The following BMPR1A variants were observed in gnomAD, a reference collection of about 807,000 sequenced individuals.
BMPR1A encodes the protein bone morphogenetic protein receptor type 1A.
Under a neutral mutation model 66.0 loss-of-function variants are expected in BMPR1A, and 7 were observed. The ratio of observed to expected loss-of-function variants is 0.11; its 90% confidence interval spans 0.06 to 0.20. The LOEUF (loss-of-function observed/expected upper bound fraction) is 0.20. Ranked by LOEUF, BMPR1A falls within the 10% of genes least tolerant of loss-of-function variation. The probability of loss-of-function intolerance (pLI) is 1.00; values close to 1 mark genes in which losing one functional copy is unlikely to be tolerated. For synonymous variants in BMPR1A, 200 were observed against 229.7 expected (o/e 0.87, Z 1.17); for missense variants, 408 against 669.1 (o/e 0.61, Z 4.31).
intron 10 of BMPR1A, 63 bp from the exon 11 acceptor site, chr10:86,921,457 A>G: frequency 6.2e-7 from 1 of 1,604,426 alleles, no homozygotes; most frequent in Non-Finnish European, 8.5e-7. Flanking sequence ...ATAGGACAAA[A>G]ATACAAGATA....
chr10:86,846,046 CAA>C (rs1443267776), intron 2 of BMPR1A, among the ~76,000 whole-genome samples: 1 of 151,494 alleles, frequency 6.6e-6, no homozygotes, highest in Non-Finnish European at 1.5e-5. Context: ...ATCTCTGAAA[CAA>C]GAGGGTTAAA....
At chr10:86,757,158 T>G in intron 1 of BMPR1A, among the ~76,000 whole-genome samples, 1 of 151,922 alleles carries the variant, frequency 6.6e-6, no homozygotes, top group Non-Finnish European at 1.5e-5. Context: ...CACTCGCGGG[T>G]TGCAGGCCGA....
chr10:86,900,984 G>T (rs1312230632), intron 7 of BMPR1A, among the ~76,000 whole-genome samples: 3 of 152,240 alleles, frequency 2.0e-5, no homozygotes, highest in Non-Finnish European at 2.9e-5. Context: ...TGACAAATAG[G>T]ATATGGCAAA....
At chr10:86,864,557 C>G (rs925889898) in intron 2 of BMPR1A, among the ~76,000 whole-genome samples, 4 of 152,194 alleles carry the variant, frequency 2.6e-5, no homozygotes, top group African/African-American at 9.7e-5. Context: ...AAGGAGGACT[C>G]TGTATATTCT....
chr10:86,875,740 C>G, intron 2 of BMPR1A, 127 bp from the exon 3 acceptor site: 1 of 463,280 alleles, frequency 2.2e-6, no homozygotes, highest in African/African-American at 2.0e-5. Context: ...AGCAAGGATA[C>G]CTTTAATCTT....
At chr10:86,784,547 G>C (rs1037030658) in intron 1 of BMPR1A, among the ~76,000 whole-genome samples, 1 of 152,054 alleles carries the variant, frequency 6.6e-6, no homozygotes, top group Non-Finnish European at 1.5e-5. Context: ...TGTTTCTTCA[G>C]TTTTTTTGGT....
downstream of BMPR1A, chr10:86,930,842 G>A (rs936494554): frequency 1.3e-5 from 2 of 152,078 alleles, no homozygotes; most frequent in African/African-American, 4.8e-5. Context: ...CTGATCTCAA[G>A]CCATCCTCCC....
chr10:86,862,278 A>C (rs1364407070), intron 2 of BMPR1A, among the ~76,000 whole-genome samples: 1 of 152,190 alleles, frequency 6.6e-6, no homozygotes, highest in Non-Finnish European at 1.5e-5. Context: ...GATTTTGAGT[A>C]AGTGCTTGGA....
intron 1 of BMPR1A, among the ~76,000 whole-genome samples, chr10:86,830,569 T>C (rs1842254884): frequency 6.6e-6 from 1 of 152,256 alleles, no homozygotes; most frequent in Non-Finnish European, 1.5e-5. Context: ...TGCGTTTCCC[T>C]GATGTCTAGT....
intron 7 of BMPR1A, among the ~76,000 whole-genome samples, chr10:86,909,390 C>T (rs552812997): frequency 1.4e-4 from 21 of 152,046 alleles, no homozygotes; most frequent in African/African-American, 5.1e-4. Context: ...GCCAGAAGTT[C>T]GAGACCAGCG....
At chr10:86,782,516 TG>T (rs201078936) in intron 1 of BMPR1A, among the ~76,000 whole-genome samples, 32 of 152,252 alleles carry the variant, frequency 2.1e-4, no homozygotes, top group African/African-American at 5.1e-4. Flanking sequence ...TTTTGTTTTT[TG>T]TTTTTTTTTG....
At chr10:86,767,568 C>G (rs565735594) in intron 1 of BMPR1A, among the ~76,000 whole-genome samples, 1 of 152,230 alleles carries the variant, frequency 6.6e-6, no homozygotes, top group East Asian at 1.9e-4. Context: ...GTCTCAGCAA[C>G]TCAGGAAGCT....
At chr10:86,844,769 A>G (rs192872646) in intron 2 of BMPR1A, among the ~76,000 whole-genome samples, 33 of 152,166 alleles carry the variant, frequency 2.2e-4, no homozygotes, top group Admixed American at 5.9e-4. Context: ...GTGTTGAACT[A>G]TTATTTTTTA....
chr10:86,911,435 T>G (rs1843483712), intron 7 of BMPR1A, among the ~76,000 whole-genome samples: 1 of 152,086 alleles, frequency 6.6e-6, no homozygotes, highest in Non-Finnish European at 1.5e-5. Flanking sequence ...ACACTTCAAT[T>G]GAATAATGTG....
intron 5 of BMPR1A, among the ~76,000 whole-genome samples, chr10:86,899,177 T>C (rs1843270637): frequency 6.6e-6 from 1 of 152,250 alleles, no homozygotes; most frequent in Non-Finnish European, 1.5e-5. Context: ...GTTAATCCAA[T>C]AAAACATCAC....
intron 1 of BMPR1A, among the ~76,000 whole-genome samples, chr10:86,775,434 T>G (rs990541565): frequency 2.0e-4 from 30 of 152,168 alleles, no homozygotes; most frequent in Non-Finnish European, 1.3e-4. Flanking sequence ...TCAAATGTTG[T>G]GAAGGGTGGA....
At chr10:86,783,392 G>A (rs1209430096) in intron 1 of BMPR1A, among the ~76,000 whole-genome samples, 2 of 152,144 alleles carry the variant, frequency 1.3e-5, no homozygotes, top group Non-Finnish European at 2.9e-5. Context: ...AAATGACACT[G>A]AAATTTGATA....
intron 2 of BMPR1A, among the ~76,000 whole-genome samples, chr10:86,866,249 C>T (rs545984987): frequency 6.3e-5 from 9 of 143,200 alleles, no homozygotes; most frequent in African/African-American, 1.6e-4. Flanking sequence ...GGCTGAAAAG[C>T]GATAGTGTAA....
At position 86,758,526 on chromosome 10, in the gene BMPR1A, CCTTTT is replaced by C. The variant is rs560039145; in HGVS notation, c.-268+1611_-268+1615del. ...TTAAGATTTTTTCAGTTTACAAAAA[CCTTTT>C]CTTAAGTCTGCTACTCCTTCAAGCT... On this transcript the variant is annotated intron_variant, in intron 1 of 12. Transcript: ENST00000372037. 9.2e-4 allele frequency among the ~76,000 whole-genome samples: 140 copies of C among 152,202 alleles called. 1 individual carries two copies. The highest frequency in any genetic ancestry group is 3.1e-3 in the African/African-American group (130 of 41,534).
Sources: gnomAD v4.1 joint callset for allele counts (sites outside exome capture counted in the v4.1 genomes callset) on GRCh38, gnomAD v4.1.1 for gene constraint, MANE v1.5 for transcripts, NCBI Gene and HGNC (gene_info 2026-07-23, HGNC 2026-07-21) for gene names.